The following BCAR3 variants were observed in gnomAD, a reference collection of about 807,000 sequenced individuals.
The protein encoded by BCAR3 is BCAR3 adaptor protein, NSP family member, also known as breast cancer anti-estrogen resistance protein 3.
A neutral mutation model predicts 80.1 loss-of-function variants in BCAR3; 37 were observed. That is an observed-to-expected ratio of 0.46 (90% confidence interval 0.36 to 0.61). The LOEUF is 0.61. BCAR3 is among the 20% of genes least tolerant of loss of function. The pLI is 0.00. For synonymous variants in BCAR3, 389 were observed against 418.9 expected (o/e 0.93, Z 0.87); for missense variants, 978 against 1,068.2 (o/e 0.92, Z 1.18).
At chr1:93,844,703 C>CT (rs11363783) in intron 2 of BCAR3, among the ~76,000 whole-genome samples, 2,262 of 140,436 alleles carry the variant, frequency 0.016, 37 homozygotes, top group African/African-American at 0.044. Context: ...TGACTTTCTT[C>CT]TTTTTTTTTT....
At chr1:93,735,468 C>A (rs1650943102) in intron 2 of BCAR3, among the ~76,000 whole-genome samples, 1 of 152,176 alleles carries the variant, frequency 6.6e-6, no homozygotes, top group African/African-American at 2.4e-5. Context: ...CTTTCGGAGA[C>A]CACATCCCAT....
Position 93,582,468 on chromosome 1 carries a change from G to A in BCAR3, c.1519C>T (p.Pro507Ser), listed in dbSNP as rs1467827689. The A allele has an allele frequency of 5.2e-5, 84 of 1,614,066 alleles. No homozygotes were observed. Among genetic ancestry groups the A allele is most frequent in the Non-Finnish European group, 6.9e-5 (81 of 1,180,042 alleles). ...GQWDKGEFVT[P>S]LLETVSSFRP... ...AAGGAGGAGACAGTCTCCAGGAGGG[G>A]CGTCACAAACTCGCCCTTGTCCCAC... The change falls in exon 7 of 12, where the codon CCC becomes TCC. Residue 507 changes from proline (P) to serine (S), a missense_variant. Pro to Ser is a moderately conservative substitution (Grantham distance 74). Coordinates refer to ENST00000260502, the MANE Select transcript of BCAR3 (RefSeq NM_003567.4).
intron 2 of BCAR3, among the ~76,000 whole-genome samples, chr1:93,729,562 A>G (rs1405076435): frequency 6.6e-6 from 1 of 152,182 alleles, no homozygotes; most frequent in Non-Finnish European, 1.5e-5. Flanking sequence ...GGGAAGTTGA[A>G]CTGCAGTGCA....
chr1:93,815,108 AGCT>A (rs1571146479), intron 2 of BCAR3, among the ~76,000 whole-genome samples: 1 of 152,332 alleles, frequency 6.6e-6, no homozygotes, highest in East Asian at 1.9e-4. Flanking sequence ...AAAGGAAACA[AGCT>A]GAGCAACAAT....
At chr1:93,573,243 A>C (rs1673291216) in intron 8 of BCAR3, among the ~76,000 whole-genome samples, 1 of 152,144 alleles carries the variant, frequency 6.6e-6, no homozygotes, top group South Asian at 2.1e-4. Context: ...CTAAAAATAC[A>C]AAAATGAGCC....
chr1:93,686,620 C>T (rs1009437645), upstream of BCAR3, among the ~76,000 whole-genome samples: 1 of 152,098 alleles, frequency 6.6e-6, no homozygotes, highest in Non-Finnish European at 1.5e-5. Context: ...AATGGCAGAA[C>T]CAAAGCTAAC....
chr1:93,745,350 C>T (rs12410101), intron 2 of BCAR3, among the ~76,000 whole-genome samples: 15,006 of 152,254 alleles, frequency 0.099, 957 homozygotes, highest in East Asian at 0.19. Context: ...TGAACAACAG[C>T]GTTTGTGAGA....
intron 9 of BCAR3, among the ~76,000 whole-genome samples, chr1:93,570,676 T>C (rs1673176290): frequency 6.6e-6 from 1 of 152,234 alleles, no homozygotes; most frequent in Admixed American, 6.5e-5. Flanking sequence ...AGATAAACTA[T>C]TCTAAGGATT....
intron 2 of BCAR3, among the ~76,000 whole-genome samples, chr1:93,661,491 T>A (rs927228606): frequency 7.7e-6 from 1 of 130,210 alleles, no homozygotes. Flanking sequence ...CCAGTGTAGC[T>A]TTTTTTTTTT....
intron 7 of BCAR3, among the ~76,000 whole-genome samples, chr1:93,581,107 A>G (rs1438346933): frequency 6.6e-6 from 1 of 151,938 alleles, no homozygotes; most frequent in Non-Finnish European, 1.5e-5. Context: ...GGCTGCCATG[A>G]GCTGTGAACG....
chr1:93,638,588 T>A (rs1381263934), intron 3 of BCAR3, among the ~76,000 whole-genome samples: 3 of 151,658 alleles, frequency 2.0e-5, no homozygotes, highest in East Asian at 3.9e-4. Flanking sequence ...TAAAAAAAAA[T>A]GTTTGGTTTT....
chr1:93,779,198 T>G (rs1387452947), intron 2 of BCAR3, among the ~76,000 whole-genome samples: 1 of 147,390 alleles, frequency 6.8e-6, no homozygotes, highest in Admixed American at 6.6e-5. Flanking sequence ...GGCCACCTAA[T>G]GATTAACAAA....
intron 3 of BCAR3, chr1:93,599,014 T>C (rs1256769161): frequency 1.3e-5 from 2 of 151,576 alleles, no homozygotes; most frequent in Non-Finnish European, 2.9e-5. Context: ...TTTATATACA[T>C]CCAGCAACCC....
chr1:93,770,316 G>T (rs1279144926), intron 2 of BCAR3, among the ~76,000 whole-genome samples: 1 of 152,106 alleles, frequency 6.6e-6, no homozygotes, highest in African/African-American at 2.4e-5. Context: ...GGCAATGACA[G>T]CTCACGTAGG....
chr1:93,802,840 G>C (rs1162928451), intron 2 of BCAR3, among the ~76,000 whole-genome samples: 1 of 152,038 alleles, frequency 6.6e-6, no homozygotes, highest in East Asian at 1.9e-4. Flanking sequence ...AATACCCCTG[G>C]AAAAAACTAT....
chr1:93,756,254 T>G (rs1463668477), intron 2 of BCAR3, among the ~76,000 whole-genome samples: 1 of 152,206 alleles, frequency 6.6e-6, no homozygotes, highest in East Asian at 1.9e-4. Context: ...GGGTTCCCCT[T>G]CTCTTAGAAA....
intron 2 of BCAR3, among the ~76,000 whole-genome samples, chr1:93,755,505 A>G (rs913936493): frequency 3.3e-5 from 5 of 152,210 alleles, no homozygotes; most frequent in African/African-American, 1.2e-4. Flanking sequence ...TAGATACACA[A>G]ATACTTAGCA....
chr1:93,797,790 A>G (rs114204192), intron 2 of BCAR3, among the ~76,000 whole-genome samples: 2,001 of 152,324 alleles, frequency 0.013, 39 homozygotes, highest in African/African-American at 0.046. Context: ...CCCTATTTCT[A>G]TGTAATTTGG....
At chr1:93,803,699 C>T (rs1435237741) in intron 2 of BCAR3, among the ~76,000 whole-genome samples, 3 of 152,144 alleles carry the variant, frequency 2.0e-5, no homozygotes, top group Non-Finnish European at 2.9e-5. Context: ...ATAACTGGCA[C>T]TATAGACTTA....
Sources: gnomAD v4.1 joint callset for allele counts (sites outside exome capture counted in the v4.1 genomes callset) on GRCh38, gnomAD v4.1.1 for gene constraint, MANE v1.5 for transcripts, NCBI Gene and HGNC (gene_info 2026-07-23, HGNC 2026-07-21) for gene names.